The following ARHGAP29 variants were observed in gnomAD, a reference collection of about 807,000 sequenced individuals.
ARHGAP29 encodes rho GTPase-activating protein 29.
In ARHGAP29, 43 loss-of-function variants were observed where a neutral mutation model predicts 122.6. That is an observed-to-expected ratio of 0.35 (90% CI 0.27 to 0.45). ARHGAP29 has a LOEUF of 0.45. ARHGAP29 is among the 20% of genes least tolerant of loss of function. The probability of loss-of-function intolerance (pLI) is 1.00; values close to 1 mark genes in which losing one functional copy is unlikely to be tolerated. For synonymous variants in ARHGAP29, 506 were observed against 497.1 expected (o/e 1.02, Z -0.24); for missense variants, 1,303 against 1,477.2 (o/e 0.88, Z 1.93).
At chr1:94,306,219 G>A in the ARHGAP29 span, among the ~76,000 whole-genome samples, 102 of 152,344 alleles carry the variant, frequency 6.7e-4, no homozygotes, top group East Asian at 0.018. Context: ...GGCTTAGAGA[G>A]CTGTGATGGG....
Position 94,209,639 on chromosome 1 carries a change from A to G in ARHGAP29, c.341-289T>C, listed in dbSNP as rs550473114. On this transcript the variant is annotated intron_variant, in intron 3 of 22. Coordinates refer to ENST00000260526, the MANE Select transcript of ARHGAP29 (RefSeq NM_004815.4). Reference sequence around the variant, plus strand: ...TCAATGTGAAATCCATCAGTGCTGGAGTCACAGAGTCCATGTTACACCACA... The same window carrying G: ...TCAATGTGAAATCCATCAGTGCTGGGGTCACAGAGTCCATGTTACACCACA... 2.0e-5 allele frequency among the ~76,000 whole-genome samples: 3 copies of G among 152,306 alleles called. No homozygotes were observed. In the South Asian group the frequency reaches 6.2e-4, roughly 32 times the overall value.
At chr1:94,235,871 C>T (rs1653217916) in intron 1 of ARHGAP29, among the ~76,000 whole-genome samples, 2 of 152,186 alleles carry the variant, frequency 1.3e-5, no homozygotes, top group African/African-American at 4.8e-5. Context: ...CTGTGTCAAT[C>T]AAATGTCCGC....
chr1:94,303,560 G>A, the ARHGAP29 span, among the ~76,000 whole-genome samples: 1 of 152,044 alleles, frequency 6.6e-6, no homozygotes, highest in Non-Finnish European at 1.5e-5. Context: ...TGGTTAAAAT[G>A]GTAAATTTTA....
chr1:94,303,839 C>T, the ARHGAP29 span, among the ~76,000 whole-genome samples: 3 of 152,190 alleles, frequency 2.0e-5, no homozygotes, highest in Non-Finnish European at 4.4e-5. Context: ...TACTAAGGCC[C>T]TGCTATTTTC....
chr1:94,263,889 TTCTAGAAGTTCC>T (rs1654654845), intron 1 of ARHGAP29, among the ~76,000 whole-genome samples: 1 of 152,218 alleles, frequency 6.6e-6, no homozygotes, highest in South Asian at 2.1e-4. Flanking sequence ...ATAGTTCATC[TTCTAGAAGTTCC>T]TTACTTTAGC....
chr1:94,266,023 T>C (rs891945149), intron 1 of ARHGAP29, among the ~76,000 whole-genome samples: 1 of 152,230 alleles, frequency 6.6e-6, no homozygotes, highest in Non-Finnish European at 1.5e-5. Context: ...TGCTTTTGTT[T>C]CTGGGCTATT....
chr1:94,275,181 A>G (rs1009163718), upstream of ARHGAP29: 2 of 152,238 alleles, frequency 1.3e-5, no homozygotes, highest in African/African-American at 4.8e-5. Flanking sequence ...AACAAGCTCC[A>G]CAAGTGTGTC....
chr1:94,288,576 C>T, the ARHGAP29 span, among the ~76,000 whole-genome samples: 1 of 152,156 alleles, frequency 6.6e-6, no homozygotes, highest in Non-Finnish European at 1.5e-5. Flanking sequence ...TTTGCCCATG[C>T]TTATGTCCTG....
intron 14 of ARHGAP29, 124 bp from the exon 15 acceptor site, chr1:94,189,065 C>A (rs768954132): frequency 6.0e-6 from 8 of 1,335,008 alleles, no homozygotes; most frequent in Non-Finnish European, 8.3e-6. Flanking sequence ...AACGTTAAGA[C>A]AGGCACCATG....
chr1:94,169,616 T>C lies in ARHGAP29; in HGVS notation c.*4253A>G, dbSNP rs572592574. The stretch of plus-strand genomic sequence containing the variant: ...AATAGATATAGAAGTAGGTGACTAT[T>C]CTTGAATGTGTGTAGACACACGTTT... On this transcript the variant is annotated 3_prime_UTR_variant, in exon 23 of 23. Transcript: ENST00000260526. 1.3e-5 allele frequency among the ~76,000 whole-genome samples: 2 copies of C among 152,318 alleles called. No individual in the cohort carries two copies. Among genetic ancestry groups the C allele is most frequent in the South Asian group, 4.1e-4 (2 of 4,824 alleles).
intron 1 of ARHGAP29, among the ~76,000 whole-genome samples, chr1:94,272,643 C>T (rs972704557): frequency 5.3e-5 from 8 of 152,224 alleles, no homozygotes; most frequent in African/African-American, 1.4e-4. Flanking sequence ...CTCTGGAGCT[C>T]TCTACTGGCC....
intron 2 of ARHGAP29, among the ~76,000 whole-genome samples, chr1:94,226,893 T>A (rs1032331788): frequency 6.6e-6 from 1 of 151,960 alleles, no homozygotes; most frequent in Non-Finnish European, 1.5e-5. Context: ...GGCTAGCAGC[T>A]TAATGTTTCT....
Position 94,202,717 on chromosome 1 carries a change from C to G in ARHGAP29, c.970G>C (p.Ala324Pro). 2 of 1,613,444 alleles carry G rather than the reference C, an allele frequency of 1.2e-6. No homozygotes were observed. The highest frequency in any genetic ancestry group is 1.7e-6 in the Non-Finnish European group (2 of 1,179,930). Reference protein sequence around the residue: ...EQNKMLEAENALKKAKLLCMQ... With the variant: ...EQNKMLEAENPLKKAKLLCMQ... ...CATAATAATTTTGCCTTTTTGAGAG[C>G]ATTCTCTGCTTCAAGCTACACCGAA... is the stretch of plus-strand genomic sequence containing the variant. The change falls in exon 11 of 23, where the codon GCT becomes CCT. Residue 324 changes from alanine to proline, a missense_variant. By Grantham distance (27) the Ala-to-Pro change is conservative. This residue lies in a region of ARHGAP29 where 592 missense variants were observed against 648.2 expected (regional missense o/e 0.91). Transcript: ENST00000260526.
chr1:94,237,298 G>T, intron 1 of ARHGAP29, 117 bp downstream of exon 1: 1 of 708,054 alleles, frequency 1.4e-6, no homozygotes. Flanking sequence ...TTCCACTCGG[G>T]GCCGCCCCGC....
At chr1:94,302,693 C>T in the ARHGAP29 span, 1 of 436,954 alleles carries the variant, frequency 2.3e-6, no homozygotes, top group Non-Finnish European at 4.6e-6. Flanking sequence ...CCAAGCCGAA[C>T]AGGAAGCTCA....
intron 15 of ARHGAP29, among the ~76,000 whole-genome samples, 181 bp downstream of exon 15, chr1:94,188,656 C>T (rs1044440362): frequency 2.0e-4 from 31 of 152,010 alleles, no homozygotes; most frequent in Non-Finnish European, 4.0e-4. Context: ...TACTGATAAT[C>T]GTCTATTCTT....
intron 1 of ARHGAP29, among the ~76,000 whole-genome samples, chr1:94,248,755 T>G (rs1179912038): frequency 1.3e-5 from 2 of 152,220 alleles, no homozygotes; most frequent in African/African-American, 2.4e-5. Flanking sequence ...CAGGCTGGAG[T>G]GCAGTGGCAC....
upstream of ARHGAP29, among the ~76,000 whole-genome samples, chr1:94,242,547 T>C (rs1653634124): frequency 6.8e-6 from 1 of 146,954 alleles, no homozygotes; most frequent in African/African-American, 2.5e-5. Context: ...AAGTTAAAAA[T>C]ATATACTAAA....
the ARHGAP29 span, among the ~76,000 whole-genome samples, chr1:94,306,339 T>C: frequency 6.6e-6 from 1 of 152,130 alleles, no homozygotes; most frequent in African/African-American, 2.4e-5. Flanking sequence ...AGAGAGAAAA[T>C]GTAAAAGGGC....
Sources: gnomAD v4.1 joint callset for allele counts (sites outside exome capture counted in the v4.1 genomes callset) on GRCh38, gnomAD v4.1.1 for gene constraint, gnomAD v4.1.1 regional missense constraint, MANE v1.5 for transcripts, NCBI Gene and HGNC (gene_info 2026-07-23, HGNC 2026-07-21) for gene names.